MYO5A: variants seen among roughly 807,000 people sequenced by gnomAD.
MYO5A encodes myosin VA, also known as unconventional myosin-Va.
In MYO5A, 98 loss-of-function variants were observed where a neutral mutation model predicts 249.7. The observed-to-expected ratio is 0.39, with a 90% confidence interval of 0.33 to 0.46. The LOEUF is 0.46. Ranked by LOEUF, MYO5A falls within the 20% of genes least tolerant of loss-of-function variation. The probability of loss-of-function intolerance (pLI) is 0.98; values close to 1 mark genes in which losing one functional copy is unlikely to be tolerated. For missense variants in MYO5A, 1,696 were observed against 2,308.8 expected (o/e 0.73, Z 5.44); for synonymous variants, 778 against 810.6 (o/e 0.96, Z 0.68).
intron 29 of MYO5A, 49 bp from the exon 30 acceptor site, chr15:52,346,510 T>C (rs1385838772): frequency 1.7e-5 from 21 of 1,219,552 alleles, no homozygotes; most frequent in African/African-American, 3.0e-5. Context: ...CTCAAAAGCT[T>C]TGGACATAAA....
intron 22 of MYO5A, 101 bp downstream of exon 22, chr15:52,370,068 C>G (rs1717506706): frequency 6.8e-7 from 1 of 1,473,246 alleles, no homozygotes; most frequent in Non-Finnish European, 9.5e-7. Flanking sequence ...ATTTGTACTG[C>G]ATTTCTAATA....
At chr15:52,366,629 C>CAAAAAAAAAAAA (rs60631867) in intron 23 of MYO5A, among the ~76,000 whole-genome samples, 26 of 74,554 alleles carry the variant, frequency 3.5e-4, no homozygotes, top group Non-Finnish European at 6.1e-4. Flanking sequence ...ATTGATTTAG[C>CAAAAAAAAAAAA]AAAAAAAAAA....
intron 1 of MYO5A, among the ~76,000 whole-genome samples, chr15:52,519,598 C>T (rs765660156): frequency 1.2e-4 from 17 of 147,360 alleles, no homozygotes; most frequent in Non-Finnish European, 1.0e-4. Flanking sequence ...GGCAACAGAA[C>T]GAGACCTTGT....
intron 1 of MYO5A, among the ~76,000 whole-genome samples, chr15:52,448,592 G>C (rs189995281): frequency 6.6e-6 from 1 of 151,956 alleles, no homozygotes; most frequent in Non-Finnish European, 1.5e-5. Flanking sequence ...AGAATGATAC[G>C]GTTTGAGTCT....
chr15:52,400,485 CT>C (rs2141198506), intron 9 of MYO5A, among the ~76,000 whole-genome samples: 1 of 152,274 alleles, frequency 6.6e-6, no homozygotes, highest in Non-Finnish European at 1.5e-5. Flanking sequence ...CCTAACAGTG[CT>C]CTCTACAAAA....
chr15:52,528,640 C>G, intron 1 of MYO5A, 140 bp downstream of exon 1: 1 of 995,378 alleles, frequency 1.0e-6, no homozygotes, highest in Non-Finnish European at 1.4e-6. Context: ...GCTGGTAGGG[C>G]CGAGGGTTCT....
intron 1 of MYO5A, among the ~76,000 whole-genome samples, chr15:52,460,315 T>C (rs906612663): frequency 6.6e-6 from 1 of 152,170 alleles, no homozygotes; most frequent in Non-Finnish European, 1.5e-5. Flanking sequence ...GTGGAGGTTG[T>C]AGCGATCCGA....
intron 14 of MYO5A, among the ~76,000 whole-genome samples, chr15:52,385,867 C>A (rs925884173): frequency 5.3e-5 from 8 of 152,168 alleles, no homozygotes. Context: ...AGGTAAATCA[C>A]ACACTGTCCC....
intron 5 of MYO5A, among the ~76,000 whole-genome samples, chr15:52,414,968 T>C (rs569745676): frequency 1.3e-5 from 2 of 152,340 alleles, no homozygotes; most frequent in South Asian, 4.1e-4. Context: ...ATCCAGCCCA[T>C]GAAGCCTCTG....
chr15:52,340,550 C>T (rs185280917), intron 31 of MYO5A, among the ~76,000 whole-genome samples, 156 bp from the exon 32 acceptor site: 1 of 152,180 alleles, frequency 6.6e-6, no homozygotes, highest in African/African-American at 2.4e-5. Context: ...GAAACTAAAA[C>T]AAGAAGCAGA....
intron 18 of MYO5A, among the ~76,000 whole-genome samples, chr15:52,377,397 A>G (rs1356305350): frequency 2.6e-5 from 4 of 151,810 alleles, no homozygotes; most frequent in Non-Finnish European, 5.9e-5. Flanking sequence ...ACTCCAGCCT[A>G]GCAACAGAGC....
At chr15:52,396,972 G>A (rs2042516104) in intron 10 of MYO5A, among the ~76,000 whole-genome samples, 1 of 152,202 alleles carries the variant, frequency 6.6e-6, no homozygotes, top group South Asian at 2.1e-4. Context: ...TTAAGTCTAT[G>A]CACTAGCTAA....
chr15:52,499,935 T>G (rs1254069319), intron 1 of MYO5A, among the ~76,000 whole-genome samples: 1 of 152,132 alleles, frequency 6.6e-6, no homozygotes, highest in Non-Finnish European at 1.5e-5. Context: ...GTAACCCCAG[T>G]GCTTTGGGAG....
intron 1 of MYO5A, among the ~76,000 whole-genome samples, chr15:52,474,600 G>C (rs1325733320): frequency 6.6e-6 from 1 of 152,020 alleles, no homozygotes; most frequent in Non-Finnish European, 1.5e-5. Flanking sequence ...TAGCATGAAG[G>C]GCTGTTGAAT....
chr15:52,309,793 G>C lies in MYO5A; in HGVS notation c.*3903C>G, dbSNP rs1249219348. The C allele has an allele frequency of 6.6e-6, 1 of 152,126 alleles. No individual in the cohort carries two copies. The highest frequency in any genetic ancestry group is 1.5e-5 in the Non-Finnish European group (1 of 68,062). 9.4% of individuals were successfully genotyped at this position (152,126 alleles called of 1,614,324 possible). ...ACTAAGCAGCTGACATTACCCAGAG[G>C]ATCCTTGACTATGCCTGCTAAGGAA... On this transcript the variant is annotated 3_prime_UTR_variant, in exon 42 of 42. Transcript: ENST00000399233.
intron 1 of MYO5A, among the ~76,000 whole-genome samples, chr15:52,526,423 G>A (rs141830018): frequency 8.8e-4 from 133 of 151,914 alleles, no homozygotes; most frequent in Non-Finnish European, 1.4e-3. Context: ...GCCCAGGCTC[G>A]CGATCTTGGT....
At chr15:52,526,086 T>A (rs1005223607) in intron 1 of MYO5A, among the ~76,000 whole-genome samples, 3 of 152,220 alleles carry the variant, frequency 2.0e-5, no homozygotes, top group African/African-American at 7.2e-5. Flanking sequence ...ACCAGACTAT[T>A]AATTAGGCAT....
chr15:52,453,292 A>G (rs939885846), intron 1 of MYO5A, among the ~76,000 whole-genome samples: 1 of 152,222 alleles, frequency 6.6e-6, no homozygotes, highest in Non-Finnish European at 1.5e-5. Context: ...ATGTGCTGAA[A>G]GACAAAAAAA....
intron 1 of MYO5A, chr15:52,505,095 T>G: frequency 1.6e-6 from 1 of 606,760 alleles, no homozygotes; most frequent in Non-Finnish European, 3.0e-6. Flanking sequence ...TAATTTATTT[T>G]CAAATGCAAC....
Sources: allele counts gnomAD v4.1 joint callset (sites outside exome capture counted in the v4.1 genomes callset), GRCh38; gene constraint gnomAD v4.1.1; transcripts MANE v1.5; gene names NCBI Gene and HGNC (gene_info 2026-07-23, HGNC 2026-07-21).